The following IFNAR2 variants were observed in gnomAD, a reference collection of about 807,000 sequenced individuals.
IFNAR2 encodes interferon alpha/beta receptor 2.
IFNAR2 carries 30 observed loss-of-function variants against 49.4 expected under a neutral mutation model. The observed-to-expected ratio is 0.61, with a 90% CI of 0.45 to 0.82. The LOEUF (loss-of-function observed/expected upper bound fraction) is 0.82. Among genes scored for constraint, IFNAR2 ranks in the 40% least tolerant of loss-of-function variants. The probability of loss-of-function intolerance (pLI) is 0.00; values close to 1 mark genes in which losing one functional copy is unlikely to be tolerated. For synonymous variants in IFNAR2, 224 were observed against 234.5 expected (o/e 0.96, Z 0.41); for missense variants, 600 against 622.7 (o/e 0.96, Z 0.39).
chr21:33,231,269 A>G (rs2074097630), intron 1 of IFNAR2, among the ~76,000 whole-genome samples: 1 of 152,218 alleles, frequency 6.6e-6, no homozygotes, highest in African/African-American at 2.4e-5. Flanking sequence ...CCCTAAGGAA[A>G]ATATTCGATA....
At chr21:33,252,075 C>CCCAT (rs899984979) in intron 6 of IFNAR2, 13 of 335,614 alleles carry the variant, frequency 3.9e-5, no homozygotes, top group East Asian at 3.5e-4. Context: ...AGAGTGAGAC[C>CCCAT]CCATCCATCT....
chr21:33,251,995 A>G (rs945990293), intron 6 of IFNAR2: 2 of 224,842 alleles, frequency 8.9e-6, no homozygotes, highest in Non-Finnish European at 1.9e-5. Flanking sequence ...AGGCAAGAGA[A>G]TCTCTTGAAC....
Position 33,230,652 on chromosome 21 carries a change from C to T in IFNAR2, c.-84+436C>T. 4.3e-6 allele frequency: 2 copies of T among 465,416 alleles called. No individual in the cohort carries two copies. Among genetic ancestry groups the T allele is most frequent in the South Asian group, 3.1e-5 (2 of 63,866 alleles). 28.8% of individuals were successfully genotyped at this position (465,416 alleles called of 1,614,324 possible). On this transcript the variant is annotated intron_variant, in intron 1 of 8. Transcript: ENST00000342136. This position sits in a 1 kb window ranked among gnomAD's most constrained non-coding sequence, Gnocchi z 5.5. ...GCTGGGTGCTCAGGTTCGGGATCTC[C>T]AGCCCGCCCCCTTGAGGTCCCCTGG...
In IFNAR2 at chr21:33,263,204, G is replaced by A; in HGVS notation, c.1252G>A (p.Gly418Arg). The change falls in exon 9 of 9, where the codon GGG (glycine) becomes AGG (arginine). Residue 418 changes from glycine to arginine, a missense_variant. Gly to Arg is a moderately radical substitution (Grantham distance 125). Transcript: ENST00000342136. ...GGACTACAGCTCCACGGAGGGGTCT[G>A]GGGGCAGAATTACCTTCAATGTGGA... ...EEDYSSTEGSGGRITFNVDLN... is the reference protein window; with the variant it reads ...EEDYSSTEGSRGRITFNVDLN... The A allele has an allele frequency of 6.2e-7, 1 of 1,614,200 alleles. No homozygotes were observed. Among genetic ancestry groups the A allele is most frequent in the South Asian group, 1.1e-5 (1 of 91,090 alleles).
At chr21:33,236,540 G>A (rs1002323151) in intron 1 of IFNAR2, among the ~76,000 whole-genome samples, 4 of 152,170 alleles carry the variant, frequency 2.6e-5, no homozygotes, top group East Asian at 1.9e-4. Flanking sequence ...TCCATGGGGC[G>A]AGGCTGGAGT....
chr21:33,235,345 C>G lies in IFNAR2; in HGVS notation c.-84+5129C>G, dbSNP rs148001016. 2.6e-3 allele frequency among the ~76,000 whole-genome samples: 389 copies of G among 152,290 alleles called. 1 individual carries two copies. The highest frequency in any genetic ancestry group is 4.4e-3 in the Non-Finnish European group (301 of 68,012). On this transcript the variant is annotated intron_variant, in intron 1 of 8. Transcript: ENST00000342136. ...TGGAGTCACTCTGGTTCCAACACCTCTGACAAGAGCAGGGGGTGACCTGTC... is the reference window on the plus strand; with the variant it reads ...TGGAGTCACTCTGGTTCCAACACCTGTGACAAGAGCAGGGGGTGACCTGTC...
chr21:33,229,996 C>G lies in IFNAR2; in HGVS notation c.-304C>G. On this transcript the variant is annotated 5_prime_UTR_variant, in exon 1 of 9. Coordinates refer to ENST00000342136, the MANE Select transcript of IFNAR2 (RefSeq NM_001289125.3). ...GCACCCGCACTAAAGACGCTTCTTC[C>G]CGGCGGGTAGGAATCCCGCCGGCGA... is the stretch of plus-strand genomic sequence containing the variant. 1.0e-6 allele frequency: 1 copy of G among 984,734 alleles called. No homozygotes were observed. Among genetic ancestry groups the G allele is most frequent in the Non-Finnish European group, 1.2e-6 (1 of 829,710 alleles). The allele number at this position is 984,734 out of a possible 1,614,324, so 61.0% of individuals were successfully genotyped here.
At chr21:33,242,891 C>T (rs753833844) in intron 2 of IFNAR2, among the ~76,000 whole-genome samples, 14 of 150,270 alleles carry the variant, frequency 9.3e-5, no homozygotes, top group Admixed American at 5.3e-4. Flanking sequence ...TGGGTTCAAG[C>T]GATTCTCCTG....
At chr21:33,246,134 G>T (rs12053666) in intron 4 of IFNAR2, among the ~76,000 whole-genome samples, 1 of 150,806 alleles carries the variant, frequency 6.6e-6, no homozygotes, top group Admixed American at 6.6e-5. Flanking sequence ...GCACTGGTAC[G>T]ATCTTGGCTC....
chr21:33,241,926 C>A lies in IFNAR2; in HGVS notation c.4C>A (p.Leu2Ile). Residue 2 changes from leucine (L) to isoleucine (I), a missense_variant, in exon 2 of 9, where the codon CTT becomes ATT. Transcript: ENST00000342136. M[L>I]LSQNAFIFRS... The stretch of plus-strand genomic sequence containing the variant: ...GAAGACTCTAAAAATAGCAAAGATG[C>A]TTTTGAGCCAGAATGCCTTCATCTT... 6.2e-7 allele frequency: 1 copy of A among 1,612,176 alleles called. No individual in the cohort carries two copies. The highest frequency in any genetic ancestry group is 1.3e-5 in the African/African-American group (1 of 74,994).
chr21:33,244,602 G>A (rs1411584460), intron 3 of IFNAR2, among the ~76,000 whole-genome samples: 1 of 152,148 alleles, frequency 6.6e-6, no homozygotes, highest in Non-Finnish European at 1.5e-5. Flanking sequence ...GTAGGGGAGA[G>A]TGAAAGGAAG....
chr21:33,252,956 C>T, intron 7 of IFNAR2, 126 bp downstream of exon 7: 1 of 794,072 alleles, frequency 1.3e-6, no homozygotes, highest in Non-Finnish European at 2.2e-6. Flanking sequence ...CAGTAAACAC[C>T]TCACAGAGAT....
intron 7 of IFNAR2, among the ~76,000 whole-genome samples, chr21:33,259,049 C>T (rs1304794501): frequency 6.6e-6 from 1 of 152,062 alleles, no homozygotes; most frequent in East Asian, 1.9e-4. Context: ...AGTTCTTTAT[C>T]TTTTCCATTA....
At chr21:33,261,379 A>G (rs1292335764) in intron 8 of IFNAR2, among the ~76,000 whole-genome samples, 1 of 152,154 alleles carries the variant, frequency 6.6e-6, no homozygotes, top group East Asian at 1.9e-4. Context: ...CACATAATTT[A>G]TAATGATCAG....
Position 33,236,626 on chromosome 21 carries a change from A to G in IFNAR2, c.-83-5214A>G, listed in dbSNP as rs575977817. 1.7e-4 allele frequency: 156 copies of G among 941,058 alleles called. 3 individuals are homozygous for G. The South Asian group carries it at 7.0e-3, about 42-fold the overall frequency. The allele number at this position is 941,058 out of a possible 1,614,324, so 58.3% of individuals were successfully genotyped here. On this transcript the variant is annotated intron_variant, in intron 1 of 8. Transcript: ENST00000342136. ...TGGTCCCAGTTGATGCCCCATGCCAACAGTAGCAGCAGCAGTTGTTAGGCA... is the reference window on the plus strand; with the variant it reads ...TGGTCCCAGTTGATGCCCCATGCCAGCAGTAGCAGCAGCAGTTGTTAGGCA...
At chr21:33,241,476 A>G (rs1986917462) in intron 1 of IFNAR2, among the ~76,000 whole-genome samples, 1 of 152,220 alleles carries the variant, frequency 6.6e-6, no homozygotes, top group South Asian at 2.1e-4. Flanking sequence ...TTTTAAGTGG[A>G]AAAAGCAGGG....
At chr21:33,259,664 G>A (rs1176303313) in intron 7 of IFNAR2, among the ~76,000 whole-genome samples, 1 of 152,138 alleles carries the variant, frequency 6.6e-6, no homozygotes, top group African/African-American at 2.4e-5. Flanking sequence ...CGCTATACAT[G>A]TCAGAATTTT....
intron 8 of IFNAR2, chr21:33,262,590 A>C (rs542683710): frequency 2.7e-6 from 2 of 743,914 alleles, no homozygotes; most frequent in Admixed American, 3.9e-5. Flanking sequence ...GCTGGAATGC[A>C]GTGGCTATTC....
At chr21:33,256,829 A>C (rs1190355613) in intron 7 of IFNAR2, among the ~76,000 whole-genome samples, 1 of 152,216 alleles carries the variant, frequency 6.6e-6, no homozygotes, top group African/African-American at 2.4e-5. Flanking sequence ...AACAAGATCA[A>C]CATGTAAAAT....
Sources: gnomAD v4.1 joint callset for allele counts (sites outside exome capture counted in the v4.1 genomes callset) on GRCh38, gnomAD v4.1.1 for gene constraint, Gnocchi (gnomAD v3.1) non-coding constraint, MANE v1.5 for transcripts, NCBI Gene and HGNC (gene_info 2026-07-23, HGNC 2026-07-21) for gene names.